MYBL2: variants seen among roughly 807,000 people sequenced by gnomAD.
MYBL2 encodes the protein myb-related protein B.
A neutral mutation model predicts 79.9 loss-of-function variants in MYBL2; 28 were observed. The observed-to-expected ratio is 0.35, with a 90% confidence interval of 0.26 to 0.48. MYBL2 has a LOEUF of 0.48. MYBL2 is among the 20% of genes least tolerant of loss of function. The probability of loss-of-function intolerance (pLI) is 0.99; values close to 1 mark genes in which losing one functional copy is unlikely to be tolerated. For synonymous variants in MYBL2, 378 were observed against 361.2 expected (o/e 1.05, Z -0.53); for missense variants, 735 against 893.9 (o/e 0.82, Z 2.27).
At chr20:43,699,234 C>T (rs776746023) in intron 6 of MYBL2, among the ~76,000 whole-genome samples, 4 of 151,988 alleles carry the variant, frequency 2.6e-5, no homozygotes, top group Non-Finnish European at 4.4e-5. Context: ...TTAGTAGAGA[C>T]AGGGTTTCAC....
chr20:43,701,552 T>C (rs1015746932), intron 7 of MYBL2, among the ~76,000 whole-genome samples: 2 of 152,208 alleles, frequency 1.3e-5, no homozygotes, highest in African/African-American at 2.4e-5. Flanking sequence ...TTCTAGAAGC[T>C]GAGTGAGTAA....
Position 43,699,325 on chromosome 20 carries a change from C to T in MYBL2, c.664-432C>T, listed in dbSNP as rs6031040. On this transcript the variant is annotated intron_variant, in intron 6 of 13. Coordinates refer to ENST00000217026, the MANE Select transcript of MYBL2 (RefSeq NM_002466.4). Reference sequence around the variant, plus strand: ...CCTCCCAAAGTGTTGGGATTACAGGCGTGAGCCTCTGCACCCAACCTCTGT... The same window carrying T: ...CCTCCCAAAGTGTTGGGATTACAGGTGTGAGCCTCTGCACCCAACCTCTGT... 7.5e-3 allele frequency among the ~76,000 whole-genome samples: 1,143 copies of T among 152,192 alleles called. 14 individuals carry two copies. Among genetic ancestry groups the T allele is most frequent in the African/African-American group, 0.026 (1,065 of 41,552 alleles).
chr20:43,702,555 T>C lies in MYBL2; in HGVS notation c.1017T>C (p.Ser339=). The C allele has an allele frequency of 6.2e-7, 1 of 1,614,136 alleles. No homozygotes were observed. The highest frequency in any genetic ancestry group is 1.3e-5 in the African/African-American group (1 of 75,022). Residue 339 remains serine (S), a synonymous_variant, in exon 8 of 14, where the codon AGT becomes AGC. Coordinates refer to ENST00000217026, the MANE Select transcript of MYBL2 (RefSeq NM_002466.4). Reference sequence around the variant, plus strand: ...CTGAGGAACCATCTGCAGAGGACAGTATCAACAACAGCCTAGTGCAGCTGC... The same window carrying C: ...CTGAGGAACCATCTGCAGAGGACAGCATCAACAACAGCCTAGTGCAGCTGC... ...DLPEEPSAED[S]INNSLVQLQA... is the part of the protein sequence containing the mutation.
intron 2 of MYBL2, among the ~76,000 whole-genome samples, chr20:43,679,397 C>T (rs1007830696): frequency 2.6e-5 from 4 of 152,232 alleles, no homozygotes; most frequent in Admixed American, 1.3e-4. Flanking sequence ...CCTTAACCAT[C>T]TTTAACTTTG....
In MYBL2 at chr20:43,686,844, TC is replaced by T; in HGVS notation, c.280-7del. ...GTGCAAGTGGCTACCCAGAGACTTT[TC>T]TCTAAGGTCATCGAGCTGGTTAAGA... is the stretch of plus-strand genomic sequence containing the variant. On this transcript the variant is annotated splice_polypyrimidine_tract_variant and splice_region_variant and intron_variant, in intron 4 of 13. Transcript: ENST00000217026. The T allele has an allele frequency of 6.2e-7, 1 of 1,613,712 alleles. No homozygotes were observed. Among genetic ancestry groups the T allele is most frequent in the Non-Finnish European group, 8.5e-7 (1 of 1,179,738 alleles).
chr20:43,669,270 C>T (rs960204888), intron 1 of MYBL2, among the ~76,000 whole-genome samples: 3 of 152,056 alleles, frequency 2.0e-5, no homozygotes, highest in African/African-American at 7.2e-5. Flanking sequence ...CCCAAAGTGT[C>T]GGGATTACAG....
chr20:43,709,205 G>T (rs569696844), intron 9 of MYBL2, among the ~76,000 whole-genome samples: 1 of 152,120 alleles, frequency 6.6e-6, no homozygotes. Flanking sequence ...GTCAGCCATG[G>T]TGGTATCTCC....
intron 2 of MYBL2, 127 bp downstream of exon 2, chr20:43,674,026 C>A (rs920880756): frequency 1.1e-5 from 9 of 811,934 alleles, no homozygotes; most frequent in Admixed American, 2.1e-5. Flanking sequence ...AGGGATGGGT[C>A]CTCTGATTGT....
At chr20:43,689,806 C>T (rs1987363908) in intron 5 of MYBL2, among the ~76,000 whole-genome samples, 1 of 152,234 alleles carries the variant, frequency 6.6e-6, no homozygotes, top group Admixed American at 6.5e-5. Flanking sequence ...GCCTGGCACA[C>T]AGTGGGTGCT....
At chr20:43,710,127 G>A in intron 10 of MYBL2, 65 bp downstream of exon 10, 5 of 1,337,296 alleles carry the variant, frequency 3.7e-6, no homozygotes, top group Non-Finnish European at 5.2e-6. Flanking sequence ...ATCCAACCAT[G>A]TTCAGTCCAC....
At chr20:43,690,363 G>A (rs571330508) in intron 5 of MYBL2, among the ~76,000 whole-genome samples, 18 of 152,124 alleles carry the variant, frequency 1.2e-4, no homozygotes, top group African/African-American at 4.1e-4. Flanking sequence ...GCACCACCAC[G>A]CCTGGCTAAT....
At chr20:43,689,823 A>T (rs546548500) in intron 5 of MYBL2, among the ~76,000 whole-genome samples, 1 of 152,152 alleles carries the variant, frequency 6.6e-6, no homozygotes, top group Non-Finnish European at 1.5e-5. Flanking sequence ...TGCTTTTTAT[A>T]TGCGAGCAAA....
intron 1 of MYBL2, among the ~76,000 whole-genome samples, chr20:43,670,894 G>A (rs1378821543): frequency 6.6e-6 from 1 of 152,034 alleles, no homozygotes; most frequent in African/African-American, 2.4e-5. Context: ...CTGTCGGGTG[G>A]AGTTGGGGAA....
chr20:43,709,764 T>G (rs941599204), intron 9 of MYBL2, among the ~76,000 whole-genome samples, 199 bp from the exon 10 acceptor site: 8 of 152,190 alleles, frequency 5.3e-5, no homozygotes, highest in African/African-American at 1.9e-4. Flanking sequence ...TGTCTGGGGC[T>G]CCTGGCCCCT....
chr20:43,681,776 G>A lies in MYBL2; in HGVS notation c.115-8G>A. 1 of 1,614,238 alleles carries A rather than the reference G, an allele frequency of 6.2e-7. No homozygotes were observed. Among genetic ancestry groups the A allele is most frequent in the African/African-American group, 1.3e-5 (1 of 75,074 alleles). Reference sequence around the variant, plus strand: ...TGTGCTGAGCCCCTGTCTTTCTGGTGTTGGCAGGACGAGCAGCTGAGGGCC... The same window carrying A: ...TGTGCTGAGCCCCTGTCTTTCTGGTATTGGCAGGACGAGCAGCTGAGGGCC... On this transcript the variant is annotated splice_polypyrimidine_tract_variant and splice_region_variant and intron_variant, in intron 2 of 13. Transcript: ENST00000217026.
At chr20:43,679,588 G>A (rs1987098302) in intron 2 of MYBL2, among the ~76,000 whole-genome samples, 1 of 151,932 alleles carries the variant, frequency 6.6e-6, no homozygotes, top group Non-Finnish European at 1.5e-5. Context: ...GGAAAACATA[G>A]CAAGACCCTA....
intron 2 of MYBL2, among the ~76,000 whole-genome samples, chr20:43,677,938 CTT>C (rs1426383760): frequency 2.6e-5 from 4 of 152,154 alleles, no homozygotes; most frequent in African/African-American, 9.7e-5. Flanking sequence ...ACATGGGAGA[CTT>C]TTCATTTTGT....
At chr20:43,706,916 G>T (rs113334552) in intron 9 of MYBL2, among the ~76,000 whole-genome samples, 1 of 151,024 alleles carries the variant, frequency 6.6e-6, no homozygotes, top group Non-Finnish European at 1.5e-5. Flanking sequence ...AGGTTTCACC[G>T]TGTTGGTCAG....
intron 9 of MYBL2, among the ~76,000 whole-genome samples, chr20:43,705,674 A>G (rs184373466): frequency 3.6e-5 from 5 of 138,198 alleles, no homozygotes; most frequent in Admixed American, 2.8e-4. Context: ...TTAAAAAAAT[A>G]TTTATTTATT....
Sources: gnomAD v4.1 joint callset for allele counts (sites outside exome capture counted in the v4.1 genomes callset) on GRCh38, gnomAD v4.1.1 for gene constraint, MANE v1.5 for transcripts, NCBI Gene and HGNC (gene_info 2026-07-23, HGNC 2026-07-21) for gene names.